XPR1: variants seen among roughly 807,000 people sequenced by gnomAD.
XPR1 encodes solute carrier family 53 member 1.
XPR1 carries 28 observed loss-of-function variants against 87.5 expected under a neutral mutation model. The ratio of observed to expected loss-of-function variants is 0.32; its 90% CI spans 0.24 to 0.44. The LOEUF is 0.44. Ranked by LOEUF, XPR1 falls within the 20% of genes least tolerant of loss-of-function variation. The pLI is 1.00. For synonymous variants in XPR1, 300 were observed against 306.1 expected (o/e 0.98, Z 0.21); for missense variants, 559 against 862.3 (o/e 0.65, Z 4.41).
intron 1 of XPR1, among the ~76,000 whole-genome samples, chr1:180,662,916 C>T (rs1455096588): frequency 6.6e-6 from 1 of 152,174 alleles, no homozygotes; most frequent in African/African-American, 2.4e-5. Context: ...TTAAGAGACT[C>T]TAATGCATTC....
intron 2 of XPR1, among the ~76,000 whole-genome samples, chr1:180,708,061 C>T (rs1008570702): frequency 6.6e-6 from 1 of 152,086 alleles, no homozygotes. Flanking sequence ...GCACAATATT[C>T]GGCCAATATG....
intron 3 of XPR1, among the ~76,000 whole-genome samples, chr1:180,802,382 A>G (rs1649820130): frequency 6.6e-6 from 1 of 152,196 alleles, no homozygotes; most frequent in Admixed American, 6.5e-5. Flanking sequence ...ATAATTTGCA[A>G]GTCTTAATCT....
intron 2 of XPR1, among the ~76,000 whole-genome samples, chr1:180,691,079 A>G (rs1362729352): frequency 6.6e-6 from 1 of 152,078 alleles, no homozygotes; most frequent in Non-Finnish European, 1.5e-5. Flanking sequence ...CACATACGGT[A>G]TTTTTTAAAA....
rs1651306504 is a variant in XPR1, at chr1:180,836,646, A to G, written c.1431A>G (p.Leu477=). The change falls in exon 11 of 15, where the codon TTA becomes TTG. Residue 477 remains leucine, a synonymous_variant. Transcript: ENST00000367590. Reference sequence around the variant, plus strand: ...ACACAAAAAGGGCCTTTCCTCATTTAGTTAATGCTGGCAAATACTCCACAA... The same window carrying G: ...ACACAAAAAGGGCCTTTCCTCATTTGGTTAATGCTGGCAAATACTCCACAA... ...YRDTKRAFPH[L]VNAGKYSTTF... 2 of 1,614,040 alleles carry G rather than the reference A, an allele frequency of 1.2e-6. No homozygotes were observed. The highest frequency in any genetic ancestry group is 1.7e-6 in the Non-Finnish European group (2 of 1,180,038).
intron 9 of XPR1, among the ~76,000 whole-genome samples, chr1:180,828,240 A>G (rs1650929753): frequency 6.6e-6 from 1 of 152,192 alleles, no homozygotes; most frequent in South Asian, 2.1e-4. Flanking sequence ...TGCCATTTAT[A>G]TCCATATTTA....
intron 2 of XPR1, among the ~76,000 whole-genome samples, chr1:180,781,595 CTT>C (rs1184621008): frequency 6.4e-5 from 9 of 141,010 alleles, no homozygotes; most frequent in Non-Finnish European, 7.8e-5. Flanking sequence ...GATTGGTACT[CTT>C]TTTTTTTTTT....
At chr1:180,665,076 TTTAA>T in intron 1 of XPR1, among the ~76,000 whole-genome samples, 1 of 152,080 alleles carries the variant, frequency 6.6e-6, no homozygotes, top group Middle Eastern at 3.4e-3. Flanking sequence ...AGGAAAGAGG[TTTAA>T]TTGACTCACA....
In XPR1 at chr1:180,766,542, A is replaced by G. The variant is rs1648293477; in HGVS notation, c.122-21211A>G. On this transcript the variant is annotated intron_variant, in intron 2 of 14. Coordinates refer to ENST00000367590, the MANE Select transcript of XPR1 (RefSeq NM_004736.4). ...GAAATATAATTTCAAAAAGTATTTT[A>G]GAAGAAATTGTCGTCACAATCATAA... Among the ~76,000 whole-genome samples, 4 of 152,220 alleles carry G rather than the reference A, an allele frequency of 2.6e-5. No individual in the cohort carries two copies. The South Asian group carries it at 8.3e-4, about 31-fold the overall frequency.
chr1:180,821,482 A>G (rs893425913), intron 7 of XPR1, among the ~76,000 whole-genome samples: 5 of 152,202 alleles, frequency 3.3e-5, no homozygotes, highest in Admixed American at 6.5e-5. Context: ...ATGACAAAGT[A>G]TGAGTCCCTA....
chr1:180,886,769 T>G lies in XPR1; in HGVS notation c.*2703T>G, dbSNP rs1653024446. 1.3e-5 allele frequency: 2 copies of G among 152,218 alleles called. No homozygotes were observed. Among genetic ancestry groups the G allele is most frequent in the Admixed American group, 1.3e-4 (2 of 15,286 alleles). 9.4% of individuals were successfully genotyped at this position (152,218 alleles called of 1,614,324 possible). A position where few individuals can be genotyped will look rare whatever the true frequency, so the allele number is the denominator to read the frequency against. On this transcript the variant is annotated 3_prime_UTR_variant, in exon 15 of 15. Coordinates refer to ENST00000367590, the MANE Select transcript of XPR1 (RefSeq NM_004736.4). Reference sequence around the variant, plus strand: ...AATTTTTTTCTTTCAAAAAAGGCAATGTGCACTTTCCTCTCCTAAATTTTA... The same window carrying G: ...AATTTTTTTCTTTCAAAAAAGGCAAGGTGCACTTTCCTCTCCTAAATTTTA...
rs6687713 is a variant in XPR1, at chr1:180,874,769, G to A, written c.1808+827G>A. Reference sequence around the variant, plus strand: ...ATCTAAATGAAAACAGGAGCCCCAAGATAAACAGAGCACTAACACTACCTT... The same window carrying A: ...ATCTAAATGAAAACAGGAGCCCCAAAATAAACAGAGCACTAACACTACCTT... On this transcript the variant is annotated intron_variant, in intron 13 of 14. Coordinates refer to ENST00000367590, the MANE Select transcript of XPR1 (RefSeq NM_004736.4). Among the ~76,000 whole-genome samples the A allele has an allele frequency of 3.5e-3, 527 of 152,156 alleles. 6 individuals carry two copies. The highest frequency in any genetic ancestry group is 0.012 in the African/African-American group (501 of 41,508).
chr1:180,641,018 T>G (rs2101895363), intron 1 of XPR1, among the ~76,000 whole-genome samples: 1 of 152,354 alleles, frequency 6.6e-6, no homozygotes, highest in South Asian at 2.1e-4. Flanking sequence ...TTCATTTTAT[T>G]GCTCATTAGT....
chr1:180,862,895 C>G (rs1247756908), intron 11 of XPR1, among the ~76,000 whole-genome samples: 1 of 152,060 alleles, frequency 6.6e-6, no homozygotes, highest in African/African-American at 2.4e-5. Flanking sequence ...CACCTAGAGA[C>G]ATTTCACAAT....
At chr1:180,713,210 A>G (rs951473564) in intron 2 of XPR1, among the ~76,000 whole-genome samples, 1 of 152,114 alleles carries the variant, frequency 6.6e-6, no homozygotes, top group Non-Finnish European at 1.5e-5. Context: ...ATCTTTAATC[A>G]GATTTATTTC....
At chr1:180,647,902 CAAAAAAAAAA>C (rs1009441967) in intron 1 of XPR1, among the ~76,000 whole-genome samples, 4 of 55,952 alleles carry the variant, frequency 7.1e-5, no homozygotes, top group Non-Finnish European at 7.8e-5. Flanking sequence ...CTCTTATCTG[CAAAAAAAAAA>C]AAAAAAAAAA....
intron 2 of XPR1, among the ~76,000 whole-genome samples, chr1:180,685,359 T>C (rs1656728577): frequency 6.6e-6 from 1 of 152,226 alleles, no homozygotes; most frequent in Admixed American, 6.5e-5. Context: ...GTGGATAAGC[T>C]TTTTGATGTG....
In XPR1 at chr1:180,658,900, AT is replaced by A. The variant is rs1655634271; in HGVS notation, c.70-23459del. ...ATGGTTTTTATCCTTTACTCTGTTGATATGATGTATCACATTGATTTGTAGA... is the reference window on the plus strand; with the variant it reads ...ATGGTTTTTATCCTTTACTCTGTTGAATGATGTATCACATTGATTTGTAGA... On this transcript the variant is annotated intron_variant, in intron 1 of 14. Transcript: ENST00000367590. Among the ~76,000 whole-genome samples, 4 of 152,156 alleles carry A rather than the reference AT, an allele frequency of 2.6e-5. No individual in the cohort carries two copies. In the South Asian group the frequency reaches 8.3e-4, roughly 32 times the overall value.
chr1:180,644,216 A>G (rs866313596), intron 1 of XPR1, among the ~76,000 whole-genome samples: 36 of 152,286 alleles, frequency 2.4e-4, no homozygotes, highest in African/African-American at 7.7e-4. Context: ...ATTATATACT[A>G]TAATTAGAAA....
At chr1:180,857,482 A>C (rs1173046337) in intron 11 of XPR1, among the ~76,000 whole-genome samples, 1 of 152,074 alleles carries the variant, frequency 6.6e-6, no homozygotes, top group African/African-American at 2.4e-5. Context: ...TTATTGAATG[A>C]ATGGTTTCTA....
Sources: allele counts gnomAD v4.1 joint callset (sites outside exome capture counted in the v4.1 genomes callset), GRCh38; gene constraint gnomAD v4.1.1; transcripts MANE v1.5; gene names NCBI Gene and HGNC (gene_info 2026-07-23, HGNC 2026-07-21).